The following FTO variants were observed in gnomAD, a reference collection of about 807,000 sequenced individuals.
FTO encodes the protein FTO alpha-ketoglutarate dependent dioxygenase.
Under a neutral mutation model 63.9 loss-of-function variants are expected in FTO, and 47 were observed. The ratio of observed to expected loss-of-function variants is 0.74; its 90% CI spans 0.58 to 0.94. The LOEUF (loss-of-function observed/expected upper bound fraction) is 0.94, where lower values mean the gene tolerates loss of function less well. Ranked by LOEUF, FTO falls within the 40% of genes least tolerant of loss-of-function variation. The pLI is 0.00. For synonymous variants in FTO, 207 were observed against 224.4 expected (o/e 0.92, Z 0.69); for missense variants, 562 against 618.1 (o/e 0.91, Z 0.96).
intron 3 of FTO, among the ~76,000 whole-genome samples, chr16:53,839,775 TTTTATTTATTTATTTATTTA>T (rs1205942882): frequency 3.2e-4 from 12 of 36,952 alleles, no homozygotes; most frequent in Non-Finnish European, 1.9e-4. Flanking sequence ...TTTTCTTTTT[TTTTATTTATTTATTTATTTA>T]TTTATTTATT....
At chr16:53,916,494 A>T (rs2081869271) in intron 7 of FTO, among the ~76,000 whole-genome samples, 1 of 152,232 alleles carries the variant, frequency 6.6e-6, no homozygotes, top group African/African-American at 2.4e-5. Flanking sequence ...GTAAGACACA[A>T]ATTCTAATGA....
intron 3 of FTO, among the ~76,000 whole-genome samples, chr16:53,828,184 C>A (rs1269357379): frequency 6.6e-6 from 1 of 152,134 alleles, no homozygotes; most frequent in African/African-American, 2.4e-5. Flanking sequence ...GAATTTGAAT[C>A]TGTAAGAGCG....
intron 8 of FTO, among the ~76,000 whole-genome samples, chr16:54,029,213 C>T (rs2084778352): frequency 6.6e-6 from 1 of 152,168 alleles, no homozygotes; most frequent in African/African-American, 2.4e-5. Flanking sequence ...TTTTTAATTT[C>T]ACAAGCATGT....
At chr16:53,799,085 T>C (rs2078155013) in intron 1 of FTO, among the ~76,000 whole-genome samples, 1 of 152,174 alleles carries the variant, frequency 6.6e-6, no homozygotes, top group Non-Finnish European at 1.5e-5. Context: ...ACTTGGTTAT[T>C]ATATATTGTC....
intron 8 of FTO, among the ~76,000 whole-genome samples, chr16:54,033,369 C>T (rs2084873447): frequency 6.6e-6 from 1 of 152,016 alleles, no homozygotes; most frequent in Admixed American, 6.6e-5. Flanking sequence ...GTCTCTGGGG[C>T]AATAGCTTCA....
At chr16:53,873,148 A>G (rs528850711) in intron 4 of FTO, among the ~76,000 whole-genome samples, 7 of 152,328 alleles carry the variant, frequency 4.6e-5, no homozygotes, top group Admixed American at 2.6e-4. Flanking sequence ...ATGGAGGGAA[A>G]GAGGCAGATT....
chr16:54,113,152 C>G lies in FTO; in HGVS notation c.*1237C>G, dbSNP rs1401180713. The G allele has an allele frequency of 6.6e-6, 1 of 152,210 alleles. No individual in the cohort carries two copies. Among genetic ancestry groups the G allele is most frequent in the Non-Finnish European group, 1.5e-5 (1 of 68,052 alleles). The allele number at this position is 152,210 out of a possible 1,614,324, so 9.4% of individuals were successfully genotyped here. ...TCTGGTACTGTTATGTGTGGGTGAGCTGACCTGGATGTAGATGTTTTCCTC... is the reference window on the plus strand; with the variant it reads ...TCTGGTACTGTTATGTGTGGGTGAGGTGACCTGGATGTAGATGTTTTCCTC... On this transcript the variant is annotated 3_prime_UTR_variant, in exon 9 of 9. Transcript: ENST00000471389.
intron 8 of FTO, among the ~76,000 whole-genome samples, chr16:54,109,703 T>C (rs77588067): frequency 0.11 from 15,993 of 152,184 alleles, 1,080 homozygotes; most frequent in South Asian, 0.18. Flanking sequence ...AGAAAAGCCA[T>C]TGGGATTGGG....
intron 7 of FTO, among the ~76,000 whole-genome samples, chr16:53,917,244 A>T (rs1471807334): frequency 6.6e-6 from 1 of 152,208 alleles, no homozygotes; most frequent in Non-Finnish European, 1.5e-5. Context: ...GGAATACATG[A>T]GATGCTGCAT....
At chr16:53,983,045 C>T (rs2083582775) in intron 8 of FTO, among the ~76,000 whole-genome samples, 1 of 152,118 alleles carries the variant, frequency 6.6e-6, no homozygotes, top group African/African-American at 2.4e-5. Context: ...CCGAGCCTCA[C>T]ATGGTAAAGT....
intron 4 of FTO, among the ~76,000 whole-genome samples, chr16:53,872,149 C>A (rs1480839923): frequency 1.3e-5 from 2 of 152,294 alleles, no homozygotes; most frequent in African/African-American, 4.8e-5. Context: ...TTTCTAGTAT[C>A]TCATGTAGTG....
At chr16:54,074,107 T>G (rs529022251) in intron 8 of FTO, among the ~76,000 whole-genome samples, 1 of 152,238 alleles carries the variant, frequency 6.6e-6, no homozygotes, top group East Asian at 1.9e-4. Flanking sequence ...TTTTAATGCT[T>G]ATTTCAATAC....
chr16:53,704,504 G>A (rs1164001992), intron 1 of FTO, among the ~76,000 whole-genome samples: 1 of 152,124 alleles, frequency 6.6e-6, no homozygotes, highest in African/African-American at 2.4e-5. Flanking sequence ...TAAATTTGTC[G>A]CCATCCCTGT....
At chr16:53,883,646 A>AAAAAAAAAAAAAAAAAC (rs1555489016) in intron 6 of FTO, among the ~76,000 whole-genome samples, 3 of 135,702 alleles carry the variant, frequency 2.2e-5, no homozygotes, top group African/African-American at 6.0e-5. Context: ...CAAAAAAAAA[A>AAAAAAAAAAAAAAAAAC]AAACAAATTT....
chr16:53,764,788 T>G (rs1261599029), intron 1 of FTO, among the ~76,000 whole-genome samples: 4 of 152,206 alleles, frequency 2.6e-5, no homozygotes, highest in East Asian at 1.9e-4. Flanking sequence ...GGCATGATCT[T>G]GGTTCACTGC....
At chr16:54,017,989 C>T (rs1416062219) in intron 8 of FTO, among the ~76,000 whole-genome samples, 1 of 152,096 alleles carries the variant, frequency 6.6e-6, no homozygotes, top group Non-Finnish European at 1.5e-5. Context: ...GACACTACCT[C>T]TGTGAACATT....
intron 1 of FTO, among the ~76,000 whole-genome samples, chr16:53,712,377 C>T (rs936176298): frequency 3.9e-5 from 6 of 152,156 alleles, no homozygotes; most frequent in South Asian, 2.1e-4. Context: ...TCCTTCTTCC[C>T]GAAATCCATT....
intron 8 of FTO, among the ~76,000 whole-genome samples, chr16:54,095,184 CTT>C (rs1359436178): frequency 2.0e-5 from 3 of 152,190 alleles, no homozygotes; most frequent in African/African-American, 7.2e-5. Context: ...AAACTGTAGA[CTT>C]ATGCCACTGT....
At chr16:53,948,800 G>A (rs1331383752) in intron 8 of FTO, among the ~76,000 whole-genome samples, 2 of 152,198 alleles carry the variant, frequency 1.3e-5, no homozygotes, top group Admixed American at 1.3e-4. Flanking sequence ...TGAAAGTCCT[G>A]ACTGCTTTGA....
Sources: gnomAD v4.1 joint callset for allele counts (sites outside exome capture counted in the v4.1 genomes callset) on GRCh38, gnomAD v4.1.1 for gene constraint, MANE v1.5 for transcripts, NCBI Gene and HGNC (gene_info 2026-07-23, HGNC 2026-07-21) for gene names.